Variants in NAV1 observed in about 807,000 individuals in gnomAD.
NAV1 encodes pore membrane and/or filament interacting like protein 3.
NAV1 carries 18 observed loss-of-function variants against 175.2 expected under a neutral mutation model. That is an observed-to-expected ratio of 0.10 (90% confidence interval 0.07 to 0.15). The LOEUF (loss-of-function observed/expected upper bound fraction) is 0.15, where lower values mean the gene tolerates loss of function less well. Ranked by LOEUF, NAV1 falls within the 10% of genes least tolerant of loss-of-function variation. The pLI, the probability that NAV1 is intolerant of heterozygous loss-of-function variation, is 1.00. For synonymous variants in NAV1, 897 were observed against 978.7 expected, an observed-to-expected ratio of 0.92 and a Z score of 1.56; for missense variants, 1,731 against 2,436.6, an observed-to-expected ratio of 0.71 and a Z score of 6.10.
At chr1:201,595,970 C>T (rs1007183853) in intron 2 of NAV1, among the ~76,000 whole-genome samples, 1 of 152,250 alleles carries the variant, frequency 6.6e-6, no homozygotes, top group African/African-American at 2.4e-5. Flanking sequence ...ACCAGAGATG[C>T]TGTGGAGTCA....
At chr1:201,777,891 T>C (rs1676062350) in intron 3 of NAV1, among the ~76,000 whole-genome samples, 1 of 152,020 alleles carries the variant, frequency 6.6e-6, no homozygotes, top group African/African-American at 2.4e-5. Context: ...GCTGAGATTA[T>C]GCCACTGCCT....
At position 201,788,010 on chromosome 1, in the gene NAV1, C is replaced by G. The variant is rs960113156; in HGVS notation, c.2996-458C>G. On this transcript the variant is annotated intron_variant, in intron 9 of 29. Coordinates refer to ENST00000367296, the Ensembl canonical transcript of NAV1. This position sits in a 1 kb window ranked among gnomAD's most constrained non-coding sequence, Gnocchi z 5.7. ...AGGGCAACGGGATCCCGTAGCCCAG[C>G]CCCCTTCTCTAGCTGGTGCTTTTTC... Among the ~76,000 whole-genome samples the G allele has an allele frequency of 5.3e-5, 8 of 152,200 alleles. No individual in the cohort carries two copies. The East Asian group carries it at 9.6e-4, about 18-fold the overall frequency.
chr1:201,817,058 C>T (rs768067099), intron 28 of NAV1, 30 bp from the exon 33 acceptor site: 1 of 1,604,348 alleles, frequency 6.2e-7, no homozygotes, highest in South Asian at 1.1e-5. Flanking sequence ...GTTAATTCCC[C>T]ACAGTAATCA....
intron 3 of NAV1, among the ~76,000 whole-genome samples, chr1:201,776,640 CA>C (rs34504688): frequency 0.5 from 48,065 of 96,754 alleles, 7,608 homozygotes; most frequent in Admixed American, 0.55. Context: ...GACTCCATCT[CA>C]AAAAAAAAAA....
chr1:201,590,332 A>G lies in NAV1; in HGVS notation c.-33+1683A>G, dbSNP rs549365820. On this transcript the variant is annotated intron_variant, in intron 2 of 33. Transcript: ENST00000685211. The stretch of plus-strand genomic sequence containing the variant: ...CTCTGATCTCAGCCTATCCCCTTCC[A>G]GGGTCCCACCCGCCTCTCAGTTCCA... Among the ~76,000 whole-genome samples the G allele has an allele frequency of 8.5e-5, 13 of 152,302 alleles. No individual in the cohort carries two copies. The South Asian group carries it at 2.5e-3, about 29-fold the overall frequency.
At chr1:201,576,677 G>A (rs1335641224) in intron 1 of NAV1, among the ~76,000 whole-genome samples, 5 of 152,220 alleles carry the variant, frequency 3.3e-5, no homozygotes, top group African/African-American at 1.2e-4. Flanking sequence ...TCACGTGTTA[G>A]TTGCAAGTTA....
chr1:201,632,611 AT>A (rs1388111048), intron 2 of NAV1, among the ~76,000 whole-genome samples: 1 of 152,256 alleles, frequency 6.6e-6, no homozygotes, highest in African/African-American at 2.4e-5. Flanking sequence ...GCTTATGCAG[AT>A]TCTTTAATGA....
chr1:201,794,115 A>C, intron 14 of NAV1: 1 of 684,660 alleles, frequency 1.5e-6, no homozygotes, highest in East Asian at 2.8e-5. Context: ...CTGACACATC[A>C]TAAGGGCTCA....
intron 1 of NAV1, among the ~76,000 whole-genome samples, chr1:201,540,541 G>C (rs1007235763): frequency 2.0e-5 from 3 of 152,220 alleles, no homozygotes; most frequent in Non-Finnish European, 2.9e-5. Flanking sequence ...GCCTCCCCAG[G>C]AGGAGGATCT....
In NAV1 at chr1:201,642,164, C is replaced by T. The variant is rs1453014433; in HGVS notation, c.5-6470C>T. Among the ~76,000 whole-genome samples the T allele has an allele frequency of 1.7e-5, 2 of 117,508 alleles. 1 individual carries two copies. The highest frequency in any genetic ancestry group is 3.4e-5 in the Non-Finnish European group (2 of 59,178). 77.1% of individuals were successfully genotyped at this position (117,508 alleles called of 152,430 possible). A position where few individuals can be genotyped will look rare whatever the true frequency, so the allele number is the denominator to read the frequency against. The stretch of plus-strand genomic sequence containing the variant: ...TTTCCTTCTTTTTCTTTCTCTCTCC[C>T]CTCCCTTCCTTCCTTCCTTCCTTCC... On this transcript the variant is annotated intron_variant, in intron 2 of 29. Coordinates refer to the NAV1 transcript ENST00000367302.
exon 1 of NAV1, chr1:201,648,782 C>G (rs1325657601): frequency 6.8e-7 from 1 of 1,472,244 alleles, no homozygotes; most frequent in African/African-American, 1.5e-5. Context: ...CAGCGGCGGA[C>G]GGCAGAGGCA....
intron 1 of NAV1, among the ~76,000 whole-genome samples, chr1:201,627,162 A>AT (rs1291934403): frequency 6.6e-6 from 1 of 152,134 alleles, no homozygotes; most frequent in South Asian, 2.1e-4. Context: ...TGGCACAGTC[A>AT]TAGCTCACTG....
chr1:201,766,946 C>T (rs1186977681), intron 3 of NAV1, among the ~76,000 whole-genome samples: 14 of 151,746 alleles, frequency 9.2e-5, no homozygotes, highest in Admixed American at 6.6e-5. Context: ...CTCAGCCTCC[C>T]GAGTAGCTGG....
At chr1:201,591,270 G>T (rs1455628892) in intron 2 of NAV1, among the ~76,000 whole-genome samples, 1 of 152,138 alleles carries the variant, frequency 6.6e-6, no homozygotes, top group African/African-American at 2.4e-5. Flanking sequence ...TGTGCGATGG[G>T]GTCACCTGGG....
chr1:201,821,945 C>T (rs991108344), exon 30 of NAV1: 2 of 152,476 alleles, frequency 1.3e-5, no homozygotes, highest in African/African-American at 4.8e-5. Flanking sequence ...TTATCAGAAT[C>T]TATAGGCATA....
At chr1:201,741,664 A>G (rs935684860) in intron 3 of NAV1, among the ~76,000 whole-genome samples, 1 of 152,110 alleles carries the variant, frequency 6.6e-6, no homozygotes, top group Admixed American at 6.6e-5. Context: ...TGCTTCCCCA[A>G]TGCCTGGAGG....
intron 3 of NAV1, among the ~76,000 whole-genome samples, chr1:201,743,842 C>T (rs1014253561): frequency 2.0e-4 from 31 of 152,228 alleles, no homozygotes; most frequent in East Asian, 1.9e-4. Context: ...ATTCCTGGTT[C>T]GGATAGCAAT....
chr1:201,789,386 G>A (rs1051221665), intron 10 of NAV1, among the ~76,000 whole-genome samples: 1 of 152,180 alleles, frequency 6.6e-6, no homozygotes, highest in Non-Finnish European at 1.5e-5. Flanking sequence ...CAACTCTGAT[G>A]AGAAACTCCC....
rs181308973 is a variant in NAV1 at position 201,712,806 on chromosome 1, C to T, written c.758-11C>T. On this transcript the variant is annotated splice_polypyrimidine_tract_variant and intron_variant, in intron 1 of 29. Coordinates refer to ENST00000367296, the Ensembl canonical transcript of NAV1. ...CTTCACTCACCCAGCTCTTCCTTCT[C>T]TCCCTACCAGACCCAGAGTCCCAGA... The T allele has an allele frequency of 4.6e-4, 737 of 1,597,552 alleles. 2 individuals are homozygous for T. Among genetic ancestry groups the T allele is most frequent in the Admixed American group, 3.4e-3 (201 of 59,994 alleles).
Sources: gnomAD v4.1 joint callset for allele counts (sites outside exome capture counted in the v4.1 genomes callset) on GRCh38, gnomAD v4.1.1 for gene constraint, Gnocchi (gnomAD v3.1) non-coding constraint, MANE v1.5 for transcripts, NCBI Gene and HGNC (gene_info 2026-07-23, HGNC 2026-07-21) for gene names.